Variants in COL6A6 observed in about 807,000 individuals in gnomAD.
COL6A6 encodes collagen type VI alpha 6 chain, also known as collagen alpha-6(VI) chain.
COL6A6 carries 183 observed loss-of-function variants against 208.6 expected under a neutral mutation model. That is an observed-to-expected ratio of 0.88 (90% confidence interval 0.78 to 0.99). The LOEUF (loss-of-function observed/expected upper bound fraction) is 0.99, where lower values mean the gene tolerates loss of function less well. Among genes scored for constraint, COL6A6 ranks in the 50% least tolerant of loss-of-function variants. COL6A6 has a pLI of 0.00. For missense variants in COL6A6, 2,816 were observed against 2,815.2 expected (o/e 1.00, Z -0.01); for synonymous variants, 973 against 1,011.8 (o/e 0.96, Z 0.73).
intron 1 of COL6A6, among the ~76,000 whole-genome samples, chr3:130,531,464 A>G (rs1482729672): frequency 6.6e-6 from 1 of 152,190 alleles, no homozygotes; most frequent in Non-Finnish European, 1.5e-5. Flanking sequence ...TCTTCCCCCT[A>G]GTTCACTCCC....
intron 31 of COL6A6, among the ~76,000 whole-genome samples, chr3:130,643,659 C>A (rs1198150386): frequency 3.3e-5 from 5 of 151,978 alleles, no homozygotes; most frequent in Non-Finnish European, 7.4e-5. Flanking sequence ...TGTGTTGATA[C>A]CATCAAAAAA....
intron 1 of COL6A6, among the ~76,000 whole-genome samples, chr3:130,557,686 T>A (rs1171511170): frequency 1.3e-5 from 2 of 152,228 alleles, no homozygotes. Flanking sequence ...TGAAGTCTCT[T>A]TTGTTTCCCT....
intron 8 of COL6A6, among the ~76,000 whole-genome samples, chr3:130,577,623 A>C (rs772274523): frequency 6.6e-6 from 1 of 152,252 alleles, no homozygotes; most frequent in Non-Finnish European, 1.5e-5. Context: ...AAGGTGGTTC[A>C]GCATGTGGAC....
Position 130,594,158 on chromosome 3 carries a change from C to T in COL6A6, c.4471-123C>T, listed in dbSNP as rs1247960075. 6.3e-6 allele frequency: 5 copies of T among 788,682 alleles called. No homozygotes were observed. In the Admixed American group the frequency reaches 8.4e-5, roughly 13 times the overall value. The allele number at this position is 788,682 out of a possible 1,614,324, so 48.9% of individuals were successfully genotyped here. On this transcript the variant is annotated intron_variant, in intron 17 of 36. Transcript: ENST00000358511. ...TTTTTTCGGTTGTTCATCTTTCCAG[C>T]TTAAAAATAGCCTTTGTAGAAAAAT...
chr3:130,552,449 TA>T (rs1371283822), intron 1 of COL6A6, among the ~76,000 whole-genome samples: 1 of 152,238 alleles, frequency 6.6e-6, no homozygotes, highest in Non-Finnish European at 1.5e-5. Flanking sequence ...AAAATTAGAA[TA>T]GCAAGACCTC....
rs747210764 is a variant in COL6A6, at chr3:130,586,610, C to T, written c.4075C>T (p.Gln1359Ter). Reference sequence around the variant, plus strand: ...TGGGAAAGGATTTGAGTACAGGACACAGCTCTCTATTGGCATGAGAGAACT... The same window carrying T: ...TGGGAAAGGATTTGAGTACAGGACATAGCTCTCTATTGGCATGAGAGAACT... ...EFGKGFEYRT[Q>*]LSIGMRELGS... The change falls in exon 11 of 37, where the codon CAG (glutamine) becomes TAG (stop). Residue 1359 changes from glutamine (Q) to a stop codon, truncating the protein, a stop_gained. Coordinates refer to ENST00000358511, the MANE Select transcript of COL6A6 (RefSeq NM_001102608.3). LOFTEE classifies it high-confidence loss of function. 6.2e-7 allele frequency: 1 copy of T among 1,613,908 alleles called. No homozygotes were observed. Among genetic ancestry groups the T allele is most frequent in the African/African-American group, 1.3e-5 (1 of 75,056 alleles).
intron 28 of COL6A6, among the ~76,000 whole-genome samples, chr3:130,636,180 A>G (rs1419524292): frequency 6.6e-6 from 1 of 152,260 alleles, no homozygotes; most frequent in African/African-American, 2.4e-5. Context: ...AGATACATGC[A>G]GAAAGGTCTT....
chr3:130,539,632 CAA>C (rs67040926), intron 1 of COL6A6, among the ~76,000 whole-genome samples: 28 of 137,456 alleles, frequency 2.0e-4, no homozygotes, highest in African/African-American at 7.3e-4. Context: ...GACTCCGTCT[CAA>C]AAAAAAAAAA....
chr3:130,536,981 A>G (rs1161361253), intron 1 of COL6A6, among the ~76,000 whole-genome samples: 4 of 152,236 alleles, frequency 2.6e-5, no homozygotes, highest in Admixed American at 1.3e-4. Flanking sequence ...TAATTTTTTT[A>G]AGTAAAACTA....
At chr3:130,671,231 A>G (rs1471562450) in intron 36 of COL6A6, among the ~76,000 whole-genome samples, 2 of 152,222 alleles carry the variant, frequency 1.3e-5, no homozygotes, top group Non-Finnish European at 2.9e-5. Flanking sequence ...GTAGCCAGCC[A>G]TGAATGCTGC....
chr3:130,649,030 A>G lies in COL6A6; in HGVS notation c.5240-39A>G, dbSNP rs773821035. ...CTTCTATGTATCTTTTTTTTTTTTTAAATAAGGATGCTATGTGTTAAGGGA... is the reference window on the plus strand; with the variant it reads ...CTTCTATGTATCTTTTTTTTTTTTTGAATAAGGATGCTATGTGTTAAGGGA... On this transcript the variant is annotated intron_variant, in intron 32 of 36. Coordinates refer to ENST00000358511, the MANE Select transcript of COL6A6 (RefSeq NM_001102608.3). 3 of 1,309,986 alleles carry G rather than the reference A, an allele frequency of 2.3e-6. No homozygotes were observed. The Admixed American group carries it at 1.0e-4, about 46-fold the overall frequency. The allele number at this position is 1,309,986 out of a possible 1,614,324, so 81.1% of individuals were successfully genotyped here.
chr3:130,642,754 G>A, intron 29 of COL6A6, 78 bp from the exon 30 acceptor site: 2 of 1,295,910 alleles, frequency 1.5e-6, no homozygotes, highest in Non-Finnish European at 2.2e-6. Flanking sequence ...ATCACTTTCT[G>A]AGGGCAATGT....
At chr3:130,611,359 C>G (rs149710722) in intron 23 of COL6A6, among the ~76,000 whole-genome samples, 278 of 152,306 alleles carry the variant, frequency 1.8e-3, no homozygotes, top group African/African-American at 6.4e-3. Flanking sequence ...CCAGATGATG[C>G]TGATGCTGCT....
chr3:130,564,274 C>A (rs1380224975), intron 3 of COL6A6, among the ~76,000 whole-genome samples: 2 of 152,184 alleles, frequency 1.3e-5, no homozygotes, highest in Admixed American at 6.5e-5. Flanking sequence ...TTAGTTTTCC[C>A]TGTGTTCTGA....
chr3:130,519,524 G>A (rs1018785391), intron 1 of COL6A6, among the ~76,000 whole-genome samples: 1 of 148,320 alleles, frequency 6.7e-6, no homozygotes, highest in South Asian at 2.2e-4. Context: ...CAGGATGATT[G>A]TTGGCCAAAA....
chr3:130,526,841 C>T (rs2061971876), intron 1 of COL6A6, among the ~76,000 whole-genome samples: 1 of 151,918 alleles, frequency 6.6e-6, no homozygotes, highest in Admixed American at 6.5e-5. Flanking sequence ...TTTTACTTTT[C>T]ATTGCATACC....
intron 26 of COL6A6, 143 bp downstream of exon 26, chr3:130,627,512 C>G: frequency 1.4e-6 from 1 of 698,794 alleles, no homozygotes; most frequent in Non-Finnish European, 2.6e-6. Context: ...TTATTTGCTG[C>G]TATCCCATGA....
In COL6A6 at chr3:130,662,093, T is replaced by C. The variant is rs557670500; in HGVS notation, c.6287T>C (p.Leu2096Ser). 2.0e-4 allele frequency: 320 copies of C among 1,613,978 alleles called. 2 individuals are homozygous for C. The South Asian group carries it at 3.3e-3, about 17-fold the overall frequency. The change falls in exon 35 of 37, where the codon TTA becomes TCA. Residue 2096 changes from leucine to serine, a missense_variant. By Grantham distance (145) the Leu-to-Ser change is moderately radical. Coordinates refer to ENST00000358511, the MANE Select transcript of COL6A6 (RefSeq NM_001102608.3). ...ATATCTGCTGGGGAAACCAGCCACT[T>C]AGATGGGGAAATCTTAAAGAAGGAA... ...FVISAGETSH[L>S]DGEILKKESL...
chr3:130,560,341 G>A lies in COL6A6; in HGVS notation c.-24G>A, dbSNP rs2062854561. 1 of 1,593,754 alleles carries A rather than the reference G, an allele frequency of 6.3e-7. No homozygotes were observed. Among genetic ancestry groups the A allele is most frequent in the Non-Finnish European group, 8.5e-7 (1 of 1,169,644 alleles). Reference sequence around the variant, plus strand: ...ATATTTTTGCCTTTTCAGATTTGAAGTTGAAGATTTTTCAGGTCATAATAT... The same window carrying A: ...ATATTTTTGCCTTTTCAGATTTGAAATTGAAGATTTTTCAGGTCATAATAT... On this transcript the variant is annotated 5_prime_UTR_variant, in exon 2 of 37. Transcript: ENST00000358511.
Sources: allele counts gnomAD v4.1 joint callset (sites outside exome capture counted in the v4.1 genomes callset), GRCh38; gene constraint gnomAD v4.1.1; transcripts MANE v1.5; gene names NCBI Gene and HGNC (gene_info 2026-07-23, HGNC 2026-07-21).